Variants in TMEM178B observed in about 807,000 individuals in gnomAD.
TMEM178B encodes transmembrane protein 178B.
Under a neutral mutation model 31.0 loss-of-function variants are expected in TMEM178B, and 5 were observed. That is an observed-to-expected ratio of 0.16 (90% CI 0.08 to 0.34). The LOEUF (loss-of-function observed/expected upper bound fraction) is 0.34, where lower values mean the gene tolerates loss of function less well. Ranked by LOEUF, TMEM178B falls within the 10% of genes least tolerant of loss-of-function variation. TMEM178B has a pLI of 1.00. For synonymous variants in TMEM178B, 164 were observed against 164.0 expected (o/e 1.00, Z 0.00); for missense variants, 275 against 400.3 (o/e 0.69, Z 2.67).
intron 2 of TMEM178B, among the ~76,000 whole-genome samples, chr7:141,369,752 G>A (rs1800078751): frequency 6.6e-6 from 1 of 152,104 alleles, no homozygotes; most frequent in Admixed American, 6.5e-5. Context: ...CATTCCTTCT[G>A]TCCCCTGGAG....
At chr7:141,305,795 G>A (rs1443602392) in intron 2 of TMEM178B, among the ~76,000 whole-genome samples, 1 of 152,020 alleles carries the variant, frequency 6.6e-6, no homozygotes, top group Non-Finnish European at 1.5e-5. Context: ...TACTCCCTCT[G>A]TACCTCTCCA....
At chr7:141,138,118 G>A (rs1477607274) in intron 1 of TMEM178B, among the ~76,000 whole-genome samples, 2 of 150,666 alleles carry the variant, frequency 1.3e-5, no homozygotes, top group East Asian at 3.9e-4. Context: ...CTGGAGTGCA[G>A]TGGCGCCATC....
Position 141,315,426 on chromosome 7 carries a change from CTG to C in TMEM178B, c.496+102724_496+102725del, listed in dbSNP as rs558564504. 1.4e-3 allele frequency among the ~76,000 whole-genome samples: 211 copies of C among 152,304 alleles called. 4 individuals are homozygous for C. Among genetic ancestry groups the C allele is most frequent in the African/African-American group, 4.9e-3 (204 of 41,568 alleles). ...TCCCTGGAACACGCCAAGGGCAGTCCTGTCCCACACCTATGCTTTTGCTAGTT... is the reference window on the plus strand; with the variant it reads ...TCCCTGGAACACGCCAAGGGCAGTCCTCCCACACCTATGCTTTTGCTAGTT... On this transcript the variant is annotated intron_variant, in intron 2 of 3. Transcript: ENST00000565468.
chr7:141,164,542 T>G (rs1796230179), intron 1 of TMEM178B, among the ~76,000 whole-genome samples: 1 of 152,198 alleles, frequency 6.6e-6, no homozygotes, highest in South Asian at 2.1e-4. Flanking sequence ...GTTACTCATG[T>G]GAAAAATGAC....
chr7:141,373,413 C>T (rs868430941), intron 2 of TMEM178B, among the ~76,000 whole-genome samples: 1 of 152,198 alleles, frequency 6.6e-6, no homozygotes. Context: ...GGTTGGGTTT[C>T]CCTGGGAAAT....
At chr7:141,146,973 A>G (rs576039706) in intron 1 of TMEM178B, among the ~76,000 whole-genome samples, 3 of 152,322 alleles carry the variant, frequency 2.0e-5, no homozygotes, top group East Asian at 3.9e-4. Context: ...GGACATATCT[A>G]TAAGAGAATG....
chr7:141,166,702 G>T (rs376891602), intron 1 of TMEM178B, among the ~76,000 whole-genome samples: 1 of 152,232 alleles, frequency 6.6e-6, no homozygotes, highest in Admixed American at 6.5e-5. Flanking sequence ...AGGACAAAGA[G>T]TGGCACCAGG....
intron 2 of TMEM178B, among the ~76,000 whole-genome samples, chr7:141,436,172 TGAGA>T (rs1266646858): frequency 6.6e-6 from 1 of 151,636 alleles, no homozygotes; most frequent in Non-Finnish European, 1.5e-5. Flanking sequence ...GTGGCTGGAG[TGAGA>T]GAGAGGAATG....
chr7:141,176,595 T>C (rs1586810565), intron 1 of TMEM178B, among the ~76,000 whole-genome samples: 1 of 152,142 alleles, frequency 6.6e-6, no homozygotes, highest in African/African-American at 2.4e-5. Context: ...TCCTGGACTT[T>C]TTTTGGTTGG....
At chr7:141,139,139 A>G (rs1431810521) in intron 1 of TMEM178B, among the ~76,000 whole-genome samples, 1 of 152,222 alleles carries the variant, frequency 6.6e-6, no homozygotes, top group Non-Finnish European at 1.5e-5. Flanking sequence ...CATAATCTTC[A>G]ATGAAATCAC....
intron 1 of TMEM178B, among the ~76,000 whole-genome samples, chr7:141,140,046 A>G (rs982736498): frequency 2.3e-4 from 35 of 152,166 alleles, no homozygotes; most frequent in East Asian, 1.9e-4. Context: ...GATTACAGGC[A>G]CGAGCCACTG....
At chr7:141,347,834 T>A (rs959826387) in intron 2 of TMEM178B, among the ~76,000 whole-genome samples, 1 of 152,108 alleles carries the variant, frequency 6.6e-6, no homozygotes, top group African/African-American at 2.4e-5. Context: ...TGGAATTCAC[T>A]TAAGTAGAAA....
At chr7:141,489,101 C>T in the TMEM178B span, among the ~76,000 whole-genome samples, 48 of 152,108 alleles carry the variant, frequency 3.2e-4, no homozygotes, top group Non-Finnish European at 6.3e-4. Flanking sequence ...GTGATCATGT[C>T]GAATACACAG....
At position 141,412,105 on chromosome 7, in the gene TMEM178B, T is replaced by C. The variant is rs985209933; in HGVS notation, c.497-25503T>C. Among the ~76,000 whole-genome samples, 36 of 152,302 alleles carry C rather than the reference T, an allele frequency of 2.4e-4. No homozygotes were observed. In the South Asian group the frequency reaches 7.0e-3, roughly 30 times the overall value. ...TATCCCCAAAGAGCATCTGATTGTG[T>C]CAGCTTGTCTTTGTTCAGTAAGAAG... On this transcript the variant is annotated intron_variant, in intron 2 of 3. Transcript: ENST00000565468.
intron 2 of TMEM178B, among the ~76,000 whole-genome samples, chr7:141,379,221 C>G (rs1046251974): frequency 3.3e-5 from 5 of 151,604 alleles, no homozygotes; most frequent in African/African-American, 1.2e-4. Flanking sequence ...AATCCTAGCA[C>G]TTTGGGAGAT....
chr7:141,298,749 G>T (rs1047573543), intron 2 of TMEM178B, among the ~76,000 whole-genome samples: 2 of 152,176 alleles, frequency 1.3e-5, no homozygotes, highest in Non-Finnish European at 2.9e-5. Flanking sequence ...AGTAAATATG[G>T]TGAAAAGAGG....
chr7:141,211,594 A>T (rs1167516852), intron 1 of TMEM178B, among the ~76,000 whole-genome samples: 5 of 152,158 alleles, frequency 3.3e-5, no homozygotes, highest in African/African-American at 1.2e-4. Flanking sequence ...CAATGCTCTG[A>T]CATTGAGTCT....
intron 2 of TMEM178B, among the ~76,000 whole-genome samples, chr7:141,244,283 C>A (rs1442940469): frequency 6.6e-6 from 1 of 152,064 alleles, no homozygotes; most frequent in East Asian, 1.9e-4. Context: ...GGTAACTGTG[C>A]AAAGCAGTGT....
the TMEM178B span, among the ~76,000 whole-genome samples, chr7:141,505,716 G>C: frequency 6.6e-6 from 1 of 152,208 alleles, no homozygotes; most frequent in African/African-American, 2.4e-5. Context: ...CTTGCTAGCT[G>C]CTATTTCTGG....
Sources: allele counts gnomAD v4.1 joint callset (sites outside exome capture counted in the v4.1 genomes callset), GRCh38; gene constraint gnomAD v4.1.1; transcripts MANE v1.5; gene names NCBI Gene and HGNC (gene_info 2026-07-23, HGNC 2026-07-21).